The following USP9X variants were observed in gnomAD, a reference collection of about 807,000 sequenced individuals.
USP9X encodes the protein ubiquitin carboxyl-terminal hydrolase 9X.
Under a neutral mutation model 190.3 loss-of-function variants are expected in USP9X, and 7 were observed. The observed-to-expected ratio is 0.04, with a 90% CI of 0.02 to 0.07. The LOEUF is 0.07. USP9X is among the 10% of genes least tolerant of loss of function. USP9X has a pLI of 1.00. For missense variants in USP9X, 1,010 were observed against 1,916.9 expected, an observed-to-expected ratio of 0.53 and a Z score of 8.83; for synonymous variants, 645 against 659.5, an observed-to-expected ratio of 0.98 and a Z score of 0.34.
intron 32 of USP9X, among the ~76,000 whole-genome samples, chrX:41,209,098 T>G (rs1367702689): frequency 8.9e-6 from 1 of 111,989 alleles, no homozygotes; most frequent in African/African-American, 3.2e-5. Flanking sequence ...TATATCAGAA[T>G]AAGGCAATTT....
chrX:41,147,025 T>C (rs2062471602), intron 11 of USP9X, among the ~76,000 whole-genome samples: 1 of 111,556 alleles, frequency 9.0e-6, no homozygotes, highest in Non-Finnish European at 1.9e-5. Context: ...AGAAGTGAGT[T>C]TTAATCAGGA....
rs750264743 is a variant in USP9X at position 41,198,619 on chromosome X, T to C, written c.4472T>C (p.Val1491Ala). The change falls in exon 30 of 45, where the codon GTC (valine) becomes GCC (alanine). Residue 1491 changes from valine to alanine, a missense_variant. Val to Ala is a moderately conservative substitution (Grantham distance 64). Around this residue, in one of 11 missense-constraint regions of USP9X, gnomAD observed 351 missense variants for 480.8 expected, o/e 0.73. Coordinates refer to ENST00000378308, the MANE Select transcript of USP9X (RefSeq NM_001039591.3). ...CTTCCAGCTGAACAGGCTATTCCGGTCTGTGGTTCACCACCTACAATTAAT... is the reference window on the plus strand; with the variant it reads ...CTTCCAGCTGAACAGGCTATTCCGGCCTGTGGTTCACCACCTACAATTAAT... The part of the protein sequence containing the change: ...GELPAEQAIP[V>A]CGSPPTINAG... 2 of 1,210,239 alleles carry C rather than the reference T, an allele frequency of 1.7e-6. No individual in the cohort carries two copies. Among genetic ancestry groups the C allele is most frequent in the African/African-American group, 3.5e-5 (2 of 57,345 alleles).
intron 1 of USP9X, among the ~76,000 whole-genome samples, chrX:41,098,371 C>A (rs12855480): frequency 9.2e-6 from 1 of 108,879 alleles, no homozygotes; most frequent in South Asian, 3.9e-4. Flanking sequence ...AACTGCTGAC[C>A]TCAAGTGATC....
chrX:41,183,824 A>ATT (rs79492483), intron 21 of USP9X, among the ~76,000 whole-genome samples, 174 bp from the exon 22 acceptor site: 1 of 104,363 alleles, frequency 9.6e-6, no homozygotes. Flanking sequence ...GTTTTTGTTT[A>ATT]TTTTTTTTTT....
intron 30 of USP9X, among the ~76,000 whole-genome samples, chrX:41,199,058 C>G (rs903875512): frequency 9.0e-6 from 1 of 110,724 alleles, no homozygotes; most frequent in African/African-American, 3.3e-5. Flanking sequence ...GTGGTGCACA[C>G]CTGTAATCCC....
At chrX:41,230,375 G>A (rs1602059788) in intron 43 of USP9X, 126 bp from the exon 44 acceptor site, 1 of 412,032 alleles carries the variant, frequency 2.4e-6, no homozygotes, top group Admixed American at 5.3e-5. Context: ...TTCTTTATCT[G>A]CAGTAAAAGA....
intron 14 of USP9X, among the ~76,000 whole-genome samples, 176 bp from the exon 15 acceptor site, chrX:41,162,614 G>A (rs760652187): frequency 8.6e-4 from 97 of 112,201 alleles, no homozygotes; most frequent in Admixed American, 2.1e-3. Context: ...TAACAGGAAC[G>A]TATTTTTGTG....
At chrX:41,096,360 A>C (rs749942661) in intron 1 of USP9X, among the ~76,000 whole-genome samples, 16 of 112,363 alleles carry the variant, frequency 1.4e-4, no homozygotes, top group Non-Finnish European at 2.6e-4. Context: ...CCTATTTTGG[A>C]GGTTAGCTTT....
In USP9X at chrX:41,170,570, A is replaced by G. The variant is rs775251814; in HGVS notation, c.2978A>G (p.His993Arg). 4.5e-5 allele frequency: 54 copies of G among 1,209,874 alleles called. No homozygotes were observed. The highest frequency in any genetic ancestry group is 7.0e-5 in the African/African-American group (4 of 57,153). The change falls in exon 20 of 45, where the codon CAT becomes CGT. Residue 993 changes from histidine (H) to arginine (R), a missense_variant. Transcript: ENST00000378308. ...GGATCTCCTGGAAACCATGGTAATC[A>G]TTACAGTGATGGTCCCAATCCAGAA... ...STGSPGNHGN[H>R]YSDGPNPEVE...
intron 14 of USP9X, among the ~76,000 whole-genome samples, chrX:41,159,522 ATTCTTTTTTTTTT>A (rs1658858022): frequency 9.2e-6 from 1 of 108,952 alleles, no homozygotes; most frequent in Non-Finnish European, 1.9e-5. Context: ...ATATTGCATG[ATTCTTTTTTTTTT>A]TTCTTTTTTT....
intron 6 of USP9X, 148 bp from the exon 7 acceptor site, chrX:41,140,508 A>G (rs1178138409): frequency 2.3e-5 from 10 of 427,073 alleles, no homozygotes; most frequent in East Asian, 2.2e-4. Flanking sequence ...TGGAATTACT[A>G]TGAACAAAAT....
intron 41 of USP9X, 103 bp downstream of exon 41, chrX:41,225,240 G>GT: frequency 5.6e-6 from 4 of 713,116 alleles, no homozygotes; most frequent in Non-Finnish European, 8.5e-6. Context: ...TGGAGTTCTA[G>GT]TGAATGTTTT....
At chrX:41,210,767 A>G in intron 33 of USP9X, 85 bp downstream of exon 33, 26 of 916,226 alleles carry the variant, frequency 2.8e-5, no homozygotes, top group Non-Finnish European at 3.8e-5. Flanking sequence ...CTTACATACA[A>G]AAGTGGAGTA....
chrX:41,152,968 A>T lies in USP9X; in HGVS notation c.1784A>T (p.His595Leu), dbSNP rs761937761. ...TTCAGTCAAACTCAGCGAAGTCCCC[A>T]TGTGTTTTATCGCCATGACTTAATC... ...QNLSQTQRSPHVFYRHDLINQ... is the reference protein window; with the variant it reads ...QNLSQTQRSPLVFYRHDLINQ... The change falls in exon 14 of 45, where the codon CAT (histidine) becomes CTT (leucine). Residue 595 changes from histidine to leucine, a missense_variant. Physicochemically the swap from His to Leu is moderately conservative, Grantham distance 99. Transcript: ENST00000378308. 1 of 1,207,607 alleles carries T rather than the reference A, an allele frequency of 8.3e-7. No homozygotes were observed. The highest frequency in any genetic ancestry group is 3.0e-5 in the East Asian group (1 of 33,700).
rs1478357275 is a variant in USP9X at position 41,135,086 on chromosome X, CCTTAGGCAAG to C, written c.435+250_435+259del. ...CCTCTGGGATCTCAAGTGTCTGTGA[CCTTAGGCAAG>C]TCATCACATTTCATTGAAAATGTAA... On this transcript the variant is annotated intron_variant, in intron 5 of 44. Coordinates refer to ENST00000378308, the MANE Select transcript of USP9X (RefSeq NM_001039591.3). Among the ~76,000 whole-genome samples the C allele has an allele frequency of 4.5e-5, 5 of 111,707 alleles. No individual in the cohort carries two copies. In the East Asian group the frequency reaches 1.4e-3, roughly 31 times the overall value.
intron 32 of USP9X, among the ~76,000 whole-genome samples, chrX:41,206,939 C>T (rs1475127883): frequency 9.2e-6 from 1 of 108,135 alleles, no homozygotes; most frequent in Non-Finnish European, 1.9e-5. Context: ...CGTGGGCCAA[C>T]CATGCCCGGC....
intron 3 of USP9X, among the ~76,000 whole-genome samples, chrX:41,130,727 C>CA (rs2062304593): frequency 1.0e-5 from 1 of 96,474 alleles, no homozygotes; most frequent in South Asian, 4.6e-4. Context: ...TTTTCTTTTT[C>CA]TTTTTTTTTT....
intron 21 of USP9X, among the ~76,000 whole-genome samples, chrX:41,182,265 ACTC>A (rs1480667709): frequency 9.0e-6 from 1 of 110,747 alleles, no homozygotes; most frequent in Non-Finnish European, 1.9e-5. Context: ...GTTCCCAACT[ACTC>A]AGAAGGCTGA....
chrX:41,204,172 T>A (rs764637219), intron 31 of USP9X, among the ~76,000 whole-genome samples: 1 of 112,342 alleles, frequency 8.9e-6, no homozygotes, highest in Non-Finnish European at 1.9e-5. Flanking sequence ...GATTTGCATT[T>A]ACCAAATGGT....
Sources: allele counts gnomAD v4.1 joint callset (sites outside exome capture counted in the v4.1 genomes callset), GRCh38; gene constraint gnomAD v4.1.1; regional missense constraint gnomAD v4.1.1; transcripts MANE v1.5; gene names NCBI Gene and HGNC (gene_info 2026-07-23, HGNC 2026-07-21).